The following EBF1 variants were observed in gnomAD, a reference collection of about 807,000 sequenced individuals.
EBF1 encodes the protein transcription factor COE1.
In EBF1, 10 loss-of-function variants were observed where a neutral mutation model predicts 68.4. That is an observed-to-expected ratio of 0.15 (90% confidence interval 0.09 to 0.25). EBF1 has a LOEUF of 0.25. Ranked by LOEUF, EBF1 falls within the 10% of genes least tolerant of loss-of-function variation. The pLI is 1.00. For missense variants in EBF1, 509 were observed against 794.4 expected, an observed-to-expected ratio of 0.64 and a Z score of 4.32; for synonymous variants, 298 against 299.8, an observed-to-expected ratio of 0.99 and a Z score of 0.06.
At chr5:158,977,759 G>A (rs1003601835) in intron 6 of EBF1, among the ~76,000 whole-genome samples, 5 of 152,154 alleles carry the variant, frequency 3.3e-5, no homozygotes, top group Non-Finnish European at 5.9e-5. Flanking sequence ...ATGCCATGGC[G>A]CTGACCTCCC....
chr5:158,913,191 C>A (rs147350886), intron 6 of EBF1, among the ~76,000 whole-genome samples: 2 of 152,110 alleles, frequency 1.3e-5, no homozygotes, highest in African/African-American at 4.8e-5. Flanking sequence ...TTTTAAAATG[C>A]GTATGTTGTT....
chr5:159,002,158 T>A (rs1485724457), intron 6 of EBF1, among the ~76,000 whole-genome samples: 2 of 78,306 alleles, frequency 2.6e-5, no homozygotes, highest in African/African-American at 6.2e-5. Context: ...CCCCCAAGCC[T>A]TTTTTTTTTT....
At position 158,777,503 on chromosome 5, in the gene EBF1, G is replaced by C; in HGVS notation, c.946C>G (p.Pro316Ala). The change falls in exon 10 of 16, where the codon CCT becomes GCT. Residue 316 changes from proline (P) to alanine (A), a missense_variant. Coordinates refer to ENST00000313708, the MANE Select transcript of EBF1 (RefSeq NM_024007.5). The stretch of plus-strand genomic sequence containing the variant: ...TCCACAACACCAGGGATGTGCCGAG[G>C]AGGGGTCTGCACACGGATGGCATGA... ...TPHAIRVQTP[P>A]RHIPGVVEVT... The C allele has an allele frequency of 1.2e-6, 2 of 1,612,712 alleles. No homozygotes were observed. Among genetic ancestry groups the C allele is most frequent in the South Asian group, 1.1e-5 (1 of 90,884 alleles).
intron 6 of EBF1, among the ~76,000 whole-genome samples, chr5:159,035,877 T>C (rs919337229): frequency 1.3e-5 from 2 of 152,198 alleles, no homozygotes; most frequent in Non-Finnish European, 2.9e-5. Context: ...AAAATCTCCT[T>C]TTGGGGTTCG....
At chr5:158,751,362 G>A (rs76571395) in intron 10 of EBF1, among the ~76,000 whole-genome samples, 4,358 of 150,414 alleles carry the variant, frequency 0.029, 215 homozygotes, top group African/African-American at 0.098. Flanking sequence ...AATGACCTGA[G>A]GGCCATCACA....
intron 10 of EBF1, among the ~76,000 whole-genome samples, chr5:158,734,894 A>G (rs1392216830): frequency 6.6e-6 from 1 of 152,202 alleles, no homozygotes; most frequent in African/African-American, 2.4e-5. Context: ...ACACTCTGAA[A>G]AGGGTCTGAG....
intron 6 of EBF1, among the ~76,000 whole-genome samples, chr5:158,878,644 CTTT>C (rs11445047): frequency 7.1e-6 from 1 of 140,576 alleles, no homozygotes; most frequent in Non-Finnish European, 1.5e-5. Flanking sequence ...TCTAGCCAGC[CTTT>C]TTTTTTTTTT....
In EBF1 at chr5:158,777,445, C is replaced by A; in HGVS notation, c.1004G>T (p.Cys335Phe). 6.2e-7 allele frequency: 1 copy of A among 1,612,306 alleles called. No homozygotes were observed. Among genetic ancestry groups the A allele is most frequent in the Admixed American group, 1.7e-5 (1 of 59,868 alleles). Residue 335 changes from cysteine (C) to phenylalanine (F), a missense_variant, in exon 10 of 16, where the codon TGC becomes TTC. Around this residue, in one of 3 missense-constraint regions of EBF1, gnomAD observed 230 missense variants for 467.7 expected, o/e 0.49. Transcript: ENST00000313708. ...AATGAATCTGCCTGGTGTTCCTTTG[C>A]AGAACTGCTTAGATTTGTAGGACAG... ...VTLSYKSKQF[C>F]KGTPGRFIYT...
At chr5:158,863,346 G>A (rs1354287074) in intron 6 of EBF1, among the ~76,000 whole-genome samples, 1 of 152,072 alleles carries the variant, frequency 6.6e-6, no homozygotes, top group African/African-American at 2.4e-5. Flanking sequence ...TTTTCCAACG[G>A]CACACTCCTC....
chr5:159,040,441 T>G (rs1770960542), intron 6 of EBF1, among the ~76,000 whole-genome samples: 1 of 152,178 alleles, frequency 6.6e-6, no homozygotes, highest in African/African-American at 2.4e-5. Context: ...TGAAGCTGAG[T>G]TGGCAGTGGC....
intron 6 of EBF1, among the ~76,000 whole-genome samples, chr5:158,845,636 G>A (rs532557987): frequency 6.7e-6 from 1 of 149,870 alleles, no homozygotes; most frequent in African/African-American, 2.5e-5. Context: ...AAATGTTAAG[G>A]TCAAGAAAAG....
chr5:158,830,501 G>A (rs1010739141), intron 7 of EBF1, among the ~76,000 whole-genome samples: 1 of 152,108 alleles, frequency 6.6e-6, no homozygotes, highest in Non-Finnish European at 1.5e-5. Context: ...GATCTCTTGA[G>A]CTCGTGATCC....
intron 6 of EBF1, among the ~76,000 whole-genome samples, chr5:158,842,625 ACT>A: frequency 6.6e-6 from 1 of 152,220 alleles, no homozygotes; most frequent in Non-Finnish European, 1.5e-5. Flanking sequence ...AACAGGCCTT[ACT>A]GTATAGGGAA....
chr5:158,954,655 T>C (rs1081071), intron 6 of EBF1, among the ~76,000 whole-genome samples: 55,548 of 152,046 alleles, frequency 0.37, 10,324 homozygotes, highest in South Asian at 0.54. Context: ...ATGGAGTCTG[T>C]TACCAATGCG....
chr5:158,882,198 C>T (rs1799026319), intron 6 of EBF1, among the ~76,000 whole-genome samples: 1 of 152,158 alleles, frequency 6.6e-6, no homozygotes, highest in African/African-American at 2.4e-5. Context: ...AAACTCAAAA[C>T]CCCATAAGGA....
chr5:158,805,757 T>C (rs1781469204), intron 8 of EBF1, among the ~76,000 whole-genome samples: 1 of 152,054 alleles, frequency 6.6e-6, no homozygotes. Flanking sequence ...AAAGATATGG[T>C]ATCCTCTTAG....
At chr5:158,817,935 G>T (rs1784081055) in intron 8 of EBF1, among the ~76,000 whole-genome samples, 1 of 152,214 alleles carries the variant, frequency 6.6e-6, no homozygotes, top group Non-Finnish European at 1.5e-5. Context: ...CAGAGGAAGG[G>T]TTCTATTAGA....
intron 11 of EBF1, among the ~76,000 whole-genome samples, chr5:158,719,976 A>G (rs1761585956): frequency 1.3e-5 from 2 of 152,130 alleles, no homozygotes; most frequent in South Asian, 2.1e-4. Context: ...GTGATTTCTG[A>G]GAAAGAAGCA....
chr5:158,964,181 C>CA (rs1480202144), intron 6 of EBF1, among the ~76,000 whole-genome samples: 10 of 152,204 alleles, frequency 6.6e-5, no homozygotes, highest in African/African-American at 2.4e-4. Flanking sequence ...AAAGCAAGCT[C>CA]AGAGTTCACG....
Sources: allele counts gnomAD v4.1 joint callset (sites outside exome capture counted in the v4.1 genomes callset), GRCh38; gene constraint gnomAD v4.1.1; regional missense constraint gnomAD v4.1.1; transcripts MANE v1.5; gene names NCBI Gene and HGNC (gene_info 2026-07-23, HGNC 2026-07-21).